SNX18: variants seen among roughly 807,000 people sequenced by gnomAD.
The protein encoded by SNX18 is sorting nexin 18, also known as sorting nexin-18.
Under a neutral mutation model 48.7 loss-of-function variants are expected in SNX18, and 35 were observed. That is an observed-to-expected ratio of 0.72 (90% CI 0.55 to 0.95). SNX18 has a LOEUF of 0.95. SNX18 is among the 40% of genes least tolerant of loss of function. SNX18 has a pLI of 0.00. For synonymous variants in SNX18, 492 were observed against 384.7 expected (o/e 1.28, Z -3.26); for missense variants, 824 against 871.0 (o/e 0.95, Z 0.68).
intron 1 of SNX18, among the ~76,000 whole-genome samples, chr5:54,532,307 C>CT (rs35717409): frequency 0.29 from 39,803 of 136,812 alleles, 5,815 homozygotes; most frequent in East Asian, 0.46. Context: ...TCTATTGTTG[C>CT]TTTTTTTTTT....
chr5:54,609,430 C>T, the SNX18 span, among the ~76,000 whole-genome samples: 19 of 152,110 alleles, frequency 1.2e-4, no homozygotes, highest in Non-Finnish European at 2.4e-4. Flanking sequence ...TCCTTGGGGA[C>T]GTCATCCGCA....
the SNX18 span, among the ~76,000 whole-genome samples, chr5:54,564,220 C>T: frequency 3.3e-5 from 5 of 151,562 alleles, no homozygotes; most frequent in South Asian, 2.1e-4. Context: ...GAGCCGAGAC[C>T]GCACCGTTGC....
At position 54,543,213 on chromosome 5, in the gene SNX18, C is replaced by G. The variant is rs143448359; in HGVS notation, c.1656C>G (p.His552Gln). 6 of 1,613,934 alleles carry G rather than the reference C, an allele frequency of 3.7e-6. No homozygotes were observed. In the South Asian group the frequency reaches 5.5e-5, roughly 15 times the overall value. ...ALTKVKESRR[H>Q]VEEGKMEVQK... ...CCAAAGTCAAGGAGAGTAGGCGACA[C>G]GTGGAGGAAGGGAAGATGGAGGTGC... Residue 552 changes from histidine (H) to glutamine (Q), a missense_variant, in exon 2 of 2, where the codon CAC becomes CAG. Coordinates refer to ENST00000381410, the MANE Select transcript of SNX18 (RefSeq NM_001102575.2).
chr5:54,567,857 C>T, the SNX18 span, among the ~76,000 whole-genome samples: 1 of 152,160 alleles, frequency 6.6e-6, no homozygotes, highest in Non-Finnish European at 1.5e-5. Flanking sequence ...ACTCCCTCCA[C>T]CTTCAGAGCC....
At position 54,518,290 on chromosome 5, in the gene SNX18, C is replaced by T. The variant is rs1280821085; in HGVS notation, c.338C>T (p.Ala113Val). The change falls in exon 1 of 2, where the codon GCG becomes GTG. Residue 113 changes from alanine to valine, a missense_variant. Transcript: ENST00000381410. ...CAGGCGCTGCTGCAGCCACAGCAGG[C>T]GCCGCCTCCGAGCACCTTCCAGCCG... ...AFQALLQPQQ[A>V]PPPSTFQPPG... The T allele has an allele frequency of 1.3e-6, 2 of 1,505,178 alleles. No homozygotes were observed. The highest frequency in any genetic ancestry group is 2.8e-5 in the East Asian group (1 of 35,846). The allele number at this position is 1,505,178 out of a possible 1,614,324, so 93.2% of individuals were successfully genotyped here. A position where few individuals can be genotyped will look rare whatever the true frequency, so the allele number is the denominator to read the frequency against.
chr5:54,592,141 G>A, the SNX18 span, among the ~76,000 whole-genome samples: 1 of 152,174 alleles, frequency 6.6e-6, no homozygotes, highest in African/African-American at 2.4e-5. Flanking sequence ...CCAGAGGGGA[G>A]CTATTGCTTT....
the SNX18 span, among the ~76,000 whole-genome samples, chr5:54,616,525 C>A: frequency 1.3e-5 from 2 of 152,170 alleles, no homozygotes; most frequent in East Asian, 3.8e-4. Context: ...GTAATCCCAT[C>A]ACTTTGGGTG....
chr5:54,569,896 G>A, the SNX18 span, among the ~76,000 whole-genome samples: 1 of 152,164 alleles, frequency 6.6e-6, no homozygotes, highest in East Asian at 1.9e-4. Flanking sequence ...CTCTAAGAGA[G>A]GAGTACCAAA....
rs1429420823 is a variant in SNX18, at chr5:54,546,320, A to T, written c.*2888A>T. 2 of 152,208 alleles carry T rather than the reference A, an allele frequency of 1.3e-5. No homozygotes were observed. Among genetic ancestry groups the T allele is most frequent in the Admixed American group, 6.6e-5 (1 of 15,266 alleles). 9.4% of individuals were successfully genotyped at this position (152,208 alleles called of 1,614,324 possible). On this transcript the variant is annotated 3_prime_UTR_variant, in exon 2 of 2. Coordinates refer to ENST00000381410, the MANE Select transcript of SNX18 (RefSeq NM_001102575.2). ...GTTTGTGTAAAAACTTTTAAATGTC[A>T]TTCTTAAGTTCATTGCCATAGCCAT...
the SNX18 span, among the ~76,000 whole-genome samples, chr5:54,583,339 C>T: frequency 6.6e-6 from 1 of 152,202 alleles, no homozygotes; most frequent in Non-Finnish European, 1.5e-5. Context: ...TTGACAAACA[C>T]CTACTGAATG....
chr5:54,552,369 A>G, the SNX18 span, among the ~76,000 whole-genome samples: 1 of 152,342 alleles, frequency 6.6e-6, no homozygotes, highest in East Asian at 1.9e-4. Context: ...CAAGGAATTC[A>G]CCACCATCAG....
chr5:54,529,965 T>C (rs1355577961), intron 1 of SNX18, among the ~76,000 whole-genome samples: 1 of 152,224 alleles, frequency 6.6e-6, no homozygotes, highest in Admixed American at 6.5e-5. Flanking sequence ...CTTAGAGTTC[T>C]AGAGACGAGA....
the SNX18 span, among the ~76,000 whole-genome samples, chr5:54,600,829 G>A: frequency 5.9e-5 from 9 of 152,240 alleles, no homozygotes; most frequent in South Asian, 2.1e-4. Context: ...ACCTGTTGGC[G>A]GGGTGGGGTG....
chr5:54,626,440 G>A, the SNX18 span, among the ~76,000 whole-genome samples: 5 of 152,176 alleles, frequency 3.3e-5, no homozygotes, highest in African/African-American at 1.2e-4. Flanking sequence ...ACAGGCATGA[G>A]CCACTGCACA....
the SNX18 span, among the ~76,000 whole-genome samples, chr5:54,626,826 T>A: frequency 6.6e-6 from 1 of 152,222 alleles, no homozygotes; most frequent in African/African-American, 2.4e-5. Flanking sequence ...GATAGCAAAC[T>A]ACAGTGGGAG....
chr5:54,640,361 G>C, the SNX18 span, among the ~76,000 whole-genome samples: 7 of 151,516 alleles, frequency 4.6e-5, no homozygotes, highest in African/African-American at 1.2e-4. Context: ...CTACAGGTAT[G>C]TGCCACCACA....
At chr5:54,640,347 G>A in the SNX18 span, among the ~76,000 whole-genome samples, 10 of 151,774 alleles carry the variant, frequency 6.6e-5, no homozygotes, top group Non-Finnish European at 2.9e-5. Flanking sequence ...CCAAGTAGCT[G>A]GGACTACAGG....
chr5:54,623,915 C>T, the SNX18 span, among the ~76,000 whole-genome samples: 1 of 152,182 alleles, frequency 6.6e-6, no homozygotes, highest in Non-Finnish European at 1.5e-5. Flanking sequence ...AGAACTTTCT[C>T]CAACTTTGAG....
At chr5:54,533,360 A>C (rs1580102959) in intron 1 of SNX18, among the ~76,000 whole-genome samples, 1 of 152,176 alleles carries the variant, frequency 6.6e-6, no homozygotes, top group Non-Finnish European at 1.5e-5. Context: ...CCTGGAACCC[A>C]CTTAGTATGA....
Sources: allele counts gnomAD v4.1 joint callset (sites outside exome capture counted in the v4.1 genomes callset), GRCh38; gene constraint gnomAD v4.1.1; transcripts MANE v1.5; gene names NCBI Gene and HGNC (gene_info 2026-07-23, HGNC 2026-07-21).